SLC38A11: variants seen among roughly 807,000 people sequenced by gnomAD.
SLC38A11 encodes the protein putative sodium-coupled neutral amino acid transporter 11.
Under a neutral mutation model 49.4 loss-of-function variants are expected in SLC38A11, and 51 were observed. The observed-to-expected ratio is 1.03, with a 90% confidence interval of 0.83 to 1.30. SLC38A11 has a LOEUF of 1.30. SLC38A11 is among the 50% of genes most tolerant of loss of function. SLC38A11 has a pLI of 0.00. For missense variants in SLC38A11, 574 were observed against 556.2 expected, an observed-to-expected ratio of 1.03 and a Z score of -0.32; for synonymous variants, 203 against 192.9, an observed-to-expected ratio of 1.05 and a Z score of -0.43.
At chr2:164,927,051 AATTAGGCC>A (rs1352788119) in intron 7 of SLC38A11, among the ~76,000 whole-genome samples, 4 of 152,142 alleles carry the variant, frequency 2.6e-5, no homozygotes, top group Non-Finnish European at 4.4e-5. Flanking sequence ...TTTAGGAGGT[AATTAGGCC>A]ATTAGGGCAG....
intron 10 of SLC38A11, among the ~76,000 whole-genome samples, chr2:164,911,393 AT>A (rs1685389299): frequency 6.6e-6 from 1 of 152,136 alleles, no homozygotes; most frequent in African/African-American, 2.4e-5. Context: ...GCTCACAGAA[AT>A]ATAAGCCAAA....
chr2:164,913,522 C>T (rs767734043), intron 9 of SLC38A11, among the ~76,000 whole-genome samples: 9 of 152,012 alleles, frequency 5.9e-5, no homozygotes, highest in Non-Finnish European at 1.2e-4. Flanking sequence ...CAGCTTATTG[C>T]AGCCTGAATC....
intron 1 of SLC38A11, 107 bp downstream of exon 1, chr2:164,955,102 C>T: frequency 2.8e-6 from 3 of 1,055,936 alleles, no homozygotes; most frequent in Admixed American, 5.0e-5. Flanking sequence ...GAACTTTTCG[C>T]GGTGCTAAAC....
chr2:164,925,685 C>T (rs1006718545), intron 7 of SLC38A11, among the ~76,000 whole-genome samples: 15 of 152,206 alleles, frequency 9.9e-5, no homozygotes, highest in Non-Finnish European at 1.5e-4. Flanking sequence ...TCCCTAGCAG[C>T]GTATTCATAA....
intron 7 of SLC38A11, among the ~76,000 whole-genome samples, chr2:164,933,541 A>G (rs1270128719): frequency 2.0e-5 from 3 of 152,100 alleles, no homozygotes; most frequent in Non-Finnish European, 4.4e-5. Flanking sequence ...AACCACTAAA[A>G]TGATGTTTCC....
intron 7 of SLC38A11, among the ~76,000 whole-genome samples, chr2:164,930,454 A>C (rs951808149): frequency 6.6e-6 from 1 of 152,114 alleles, no homozygotes; most frequent in Non-Finnish European, 1.5e-5. Flanking sequence ...ACATCAACAA[A>C]AAAAAAACTT....
intron 9 of SLC38A11, among the ~76,000 whole-genome samples, chr2:164,913,974 C>CA (rs1685584702): frequency 6.6e-6 from 1 of 151,958 alleles, no homozygotes; most frequent in African/African-American, 2.4e-5. Context: ...AGGCAGCCAT[C>CA]CTCCCAAGAG....
In SLC38A11 at chr2:164,898,248, G is replaced by A. The variant is rs1684431360; in HGVS notation, c.*189C>T. On this transcript the variant is annotated 3_prime_UTR_variant, in exon 12 of 12. Transcript: ENST00000685975. ...GTCATTAGAACAAAACCCTTATTTT[G>A]TTCCAGTTAAAGGTGAAATACATTC... 1.9e-6 allele frequency: 1 copy of A among 529,086 alleles called. No individual in the cohort carries two copies. The highest frequency in any genetic ancestry group is 2.6e-5 in the South Asian group (1 of 38,664). 32.8% of individuals were successfully genotyped at this position (529,086 alleles called of 1,614,324 possible).
At chr2:164,946,606 A>C (rs1688128856) in intron 3 of SLC38A11, among the ~76,000 whole-genome samples, 1 of 151,960 alleles carries the variant, frequency 6.6e-6, no homozygotes, top group African/African-American at 2.4e-5. Context: ...AAGAAACTTC[A>C]ATTGAAGTTA....
At chr2:164,931,992 C>T (rs1341521841) in intron 7 of SLC38A11, among the ~76,000 whole-genome samples, 2 of 152,120 alleles carry the variant, frequency 1.3e-5, no homozygotes, top group Admixed American at 1.3e-4. Context: ...AGACAACCTA[C>T]AGAATAGGAG....
intron 7 of SLC38A11, among the ~76,000 whole-genome samples, chr2:164,926,511 A>T (rs1263033088): frequency 6.6e-6 from 1 of 152,152 alleles, no homozygotes; most frequent in Non-Finnish European, 1.5e-5. Flanking sequence ...CAATACTAAG[A>T]GGTGGGGCCT....
rs1254583828 is a variant in SLC38A11, at chr2:164,898,133, T to C, written c.*304A>G. On this transcript the variant is annotated 3_prime_UTR_variant, in exon 12 of 12. Coordinates refer to ENST00000685975, the MANE Select transcript of SLC38A11 (RefSeq NM_001351537.2). ...ATCACCTACTTATTTTGGAGCACAA[T>C]ATACTGGTTTGCATATTAAATAAAA... 4 of 140,754 alleles carry C rather than the reference T, an allele frequency of 2.8e-5. No homozygotes were observed. The highest frequency in any genetic ancestry group is 5.4e-5 in the Non-Finnish European group (4 of 74,310). 8.7% of individuals were successfully genotyped at this position (140,754 alleles called of 1,614,324 possible). A position where few individuals can be genotyped will look rare whatever the true frequency, so the allele number is the denominator to read the frequency against.
Position 164,901,170 on chromosome 2 carries a change from T to C in SLC38A11, c.1096-2440A>G, listed in dbSNP as rs1684627245. 2.0e-5 allele frequency among the ~76,000 whole-genome samples: 3 copies of C among 152,190 alleles called. No homozygotes were observed. The South Asian group carries it at 6.2e-4, about 31-fold the overall frequency. On this transcript the variant is annotated intron_variant, in intron 11 of 11. Transcript: ENST00000685975. ...TTCCATCGGTCTATATTTGTGTTTT[T>C]ATGCCAGTATCATACCGTTTTGATT...
At chr2:164,924,662 G>T (rs1686440827) in intron 7 of SLC38A11, among the ~76,000 whole-genome samples, 1 of 151,836 alleles carries the variant, frequency 6.6e-6, no homozygotes, top group African/African-American at 2.4e-5. Flanking sequence ...TTAAAAAGCT[G>T]ATTTCTAGTT....
chr2:164,936,073 G>GT (rs1390252359), intron 7 of SLC38A11, among the ~76,000 whole-genome samples: 1 of 152,082 alleles, frequency 6.6e-6, no homozygotes, highest in Non-Finnish European at 1.5e-5. Flanking sequence ...CTCGGTTTAT[G>GT]TTTTTTTGTT....
chr2:164,909,390 T>A (rs867992903), intron 10 of SLC38A11, among the ~76,000 whole-genome samples: 1 of 152,022 alleles, frequency 6.6e-6, no homozygotes, highest in Non-Finnish European at 1.5e-5. Context: ...TTTGCAAAGA[T>A]AAAATGTCAG....
intron 7 of SLC38A11, among the ~76,000 whole-genome samples, chr2:164,932,439 T>C (rs2105488745): frequency 6.6e-6 from 1 of 152,060 alleles, no homozygotes. Flanking sequence ...TAGATGGTTT[T>C]ATCATAAAAA....
intron 7 of SLC38A11, among the ~76,000 whole-genome samples, chr2:164,929,144 A>T (rs1413917762): frequency 6.6e-6 from 1 of 152,104 alleles, no homozygotes; most frequent in Non-Finnish European, 1.5e-5. Flanking sequence ...TTCCAAATTC[A>T]CTTTCCTATC....
At chr2:164,946,480 C>T (rs538946087) in intron 3 of SLC38A11, among the ~76,000 whole-genome samples, 51 of 150,334 alleles carry the variant, frequency 3.4e-4, no homozygotes, top group Non-Finnish European at 5.6e-4. Context: ...GCAGGAGAAT[C>T]GCTCAAATCC....
Sources: gnomAD v4.1 joint callset for allele counts (sites outside exome capture counted in the v4.1 genomes callset) on GRCh38, gnomAD v4.1.1 for gene constraint, MANE v1.5 for transcripts, NCBI Gene and HGNC (gene_info 2026-07-23, HGNC 2026-07-21) for gene names.